The following ABI1 variants were observed in gnomAD, a reference collection of about 807,000 sequenced individuals.
ABI1 encodes Abelson interactor 1.
A neutral mutation model predicts 54.6 loss-of-function variants in ABI1; 14 were observed. The observed-to-expected ratio is 0.26, with a 90% CI of 0.17 to 0.40. ABI1 has a LOEUF of 0.40. Among genes scored for constraint, ABI1 ranks in the 10% least tolerant of loss-of-function variants. ABI1 has a pLI of 1.00. For synonymous variants in ABI1, 194 were observed against 209.3 expected (o/e 0.93, Z 0.63); for missense variants, 443 against 598.3 (o/e 0.74, Z 2.71).
intron 2 of ABI1, among the ~76,000 whole-genome samples, chr10:26,788,095 C>T (rs898040163): frequency 4.6e-5 from 7 of 152,138 alleles, no homozygotes; most frequent in East Asian, 3.8e-4. Context: ...ATCACGGGGT[C>T]GGTTTCCCTC....
chr10:26,842,911 G>A (rs2049637104), intron 1 of ABI1, among the ~76,000 whole-genome samples: 1 of 152,070 alleles, frequency 6.6e-6, no homozygotes, highest in South Asian at 2.1e-4. Flanking sequence ...GGGCATGGTG[G>A]TGTGCACCTA....
intron 1 of ABI1, chr10:26,839,666 A>AAAAAAAT: frequency 1.6e-6 from 1 of 632,228 alleles, no homozygotes; most frequent in South Asian, 1.8e-5. Context: ...AAAAAAAAAA[A>AAAAAAAT]CATGCCAGGC....
intron 2 of ABI1, among the ~76,000 whole-genome samples, chr10:26,819,838 T>G (rs2047849487): frequency 1.3e-5 from 2 of 152,194 alleles, no homozygotes; most frequent in Admixed American, 1.3e-4. Flanking sequence ...TTCCTATTAT[T>G]CAGCCTTAAA....
chr10:26,847,788 G>GA (rs1217566299), intron 1 of ABI1, among the ~76,000 whole-genome samples: 14 of 152,186 alleles, frequency 9.2e-5, no homozygotes, highest in Admixed American at 6.5e-5. Flanking sequence ...ATAAAAGGGG[G>GA]AAAATGCCAG....
chr10:26,760,394 A>G (rs1838974076), intron 7 of ABI1, among the ~76,000 whole-genome samples: 2 of 152,232 alleles, frequency 1.3e-5, no homozygotes, highest in Admixed American at 6.5e-5. Flanking sequence ...GGTATCAGAT[A>G]AAACCATACA....
chr10:26,789,634 T>G (rs1298361633), intron 2 of ABI1, among the ~76,000 whole-genome samples: 1 of 152,200 alleles, frequency 6.6e-6, no homozygotes, highest in Non-Finnish European at 1.5e-5. Context: ...TTTTTTTAAC[T>G]TTTAAGTTCA....
intron 2 of ABI1, among the ~76,000 whole-genome samples, chr10:26,817,210 G>A (rs1297186734): frequency 2.6e-5 from 4 of 151,988 alleles, no homozygotes; most frequent in African/African-American, 4.8e-5. Context: ...ATGTTGGCCA[G>A]GCTGGTCTCA....
chr10:26,823,251 G>C lies in ABI1; in HGVS notation c.172C>G (p.Leu58Val). Residue 58 changes from leucine to valine, a missense_variant, in exon 2 of 11, where the codon CTA (leucine) becomes GTA (valine). Coordinates refer to ENST00000376140, the MANE Select transcript of ABI1 (RefSeq NM_001012750.3). ...EETKAYTTQS[L>V]ASVAYQINAL... The stretch of plus-strand genomic sequence containing the variant: ...TTTATTTGATAAGCAACACTAGCTA[G>C]AGATTGGGTTGTATAGGCTTTGGTC... 6.2e-7 allele frequency: 1 copy of C among 1,602,460 alleles called. No homozygotes were observed. The highest frequency in any genetic ancestry group is 8.5e-7 in the Non-Finnish European group (1 of 1,176,442).
intron 1 of ABI1, among the ~76,000 whole-genome samples, chr10:26,847,151 C>T (rs1001925764): frequency 6.6e-6 from 1 of 152,176 alleles, no homozygotes; most frequent in African/African-American, 2.4e-5. Context: ...TACTAAGAAG[C>T]ACAATACATA....
intron 1 of ABI1, among the ~76,000 whole-genome samples, chr10:26,840,418 T>C (rs1268767987): frequency 6.6e-6 from 1 of 152,144 alleles, no homozygotes; most frequent in African/African-American, 2.4e-5. Flanking sequence ...TCAAATAAAT[T>C]ACCCAGCCTG....
intron 2 of ABI1, among the ~76,000 whole-genome samples, chr10:26,811,219 T>G (rs2047207624): frequency 6.6e-6 from 1 of 152,124 alleles, no homozygotes. Context: ...TTAAGAAAAT[T>G]TTATTTTAGA....
At position 26,760,981 on chromosome 10, in the gene ABI1, C is replaced by T. The variant is rs1159398787; in HGVS notation, c.821-1743G>A. Among the ~76,000 whole-genome samples the T allele has an allele frequency of 6.0e-5, 9 of 149,094 alleles. No individual in the cohort carries two copies. The Admixed American group carries it at 6.0e-4, about 10-fold the overall frequency. ...TATTTTGGGTAAAGAGTCTGACTGT[C>T]GCCCAGGCTGGAGTGCAGTGGTGGG... On this transcript the variant is annotated intron_variant, in intron 7 of 10. Coordinates refer to ENST00000376140, the MANE Select transcript of ABI1 (RefSeq NM_001012750.3).
At chr10:26,795,357 TA>T (rs1240525534) in intron 2 of ABI1, among the ~76,000 whole-genome samples, 1 of 151,916 alleles carries the variant, frequency 6.6e-6, no homozygotes. Flanking sequence ...ACTTCTAAAA[TA>T]AAAAAATTTA....
chr10:26,812,117 T>C (rs2047279152), intron 2 of ABI1, among the ~76,000 whole-genome samples: 1 of 152,206 alleles, frequency 6.6e-6, no homozygotes, highest in African/African-American at 2.4e-5. Context: ...TATCAGGACA[T>C]CTGTGATTAC....
Position 26,853,300 on chromosome 10 carries a change from C to CTT in ABI1, c.117+7445_117+7446dup, listed in dbSNP as rs74928196. ...TATTGTCTTATTTCTCAACAATGCC[C>CTT]TTTTTTTTTTTTAAAAAAAATCCCT... On this transcript the variant is annotated intron_variant, in intron 1 of 10. Transcript: ENST00000376140. 6.0e-4 allele frequency among the ~76,000 whole-genome samples: 83 copies of CTT among 138,728 alleles called. 1 individual carries two copies. The highest frequency in any genetic ancestry group is 9.6e-4 in the Admixed American group (13 of 13,474). 91.0% of individuals were successfully genotyped at this position (138,728 alleles called of 152,430 possible). A position where few individuals can be genotyped will look rare whatever the true frequency, so the allele number is the denominator to read the frequency against.
At chr10:26,830,719 AG>A (rs1308181986) in intron 1 of ABI1, among the ~76,000 whole-genome samples, 2 of 152,060 alleles carry the variant, frequency 1.3e-5, no homozygotes, top group Admixed American at 6.6e-5. Context: ...TGAAAATTCT[AG>A]TGCTCCACAT....
chr10:26,754,129 C>T (rs554032427), intron 9 of ABI1, among the ~76,000 whole-genome samples: 3 of 152,260 alleles, frequency 2.0e-5, no homozygotes, highest in South Asian at 4.1e-4. Flanking sequence ...ATAAGATTCA[C>T]ATCTATCTAT....
rs574468336 is a variant in ABI1, at chr10:26,822,565, T to C, written c.285+573A>G. On this transcript the variant is annotated intron_variant, in intron 2 of 10. Coordinates refer to ENST00000376140, the MANE Select transcript of ABI1 (RefSeq NM_001012750.3). ...TTACATGCAAAAACATGAATGAATCTCAAAATAATTATCCATAGTAAAACA... is the reference window on the plus strand; with the variant it reads ...TTACATGCAAAAACATGAATGAATCCCAAAATAATTATCCATAGTAAAACA... Among the ~76,000 whole-genome samples, 14 of 151,766 alleles carry C rather than the reference T, an allele frequency of 9.2e-5. No homozygotes were observed. The South Asian group carries it at 2.9e-3, about 32-fold the overall frequency.
chr10:26,818,006 A>C (rs2047688740), intron 2 of ABI1, among the ~76,000 whole-genome samples: 1 of 151,164 alleles, frequency 6.6e-6, no homozygotes, highest in Admixed American at 6.6e-5. Flanking sequence ...AACTACAAAA[A>C]AAAATAGCTG....
Sources: allele counts gnomAD v4.1 joint callset (sites outside exome capture counted in the v4.1 genomes callset), GRCh38; gene constraint gnomAD v4.1.1; transcripts MANE v1.5; gene names NCBI Gene and HGNC (gene_info 2026-07-23, HGNC 2026-07-21).